MYLK: variants seen among roughly 807,000 people sequenced by gnomAD.
The protein encoded by MYLK is myosin light chain kinase, smooth muscle.
A neutral mutation model predicts 203.4 loss-of-function variants in MYLK; 106 were observed. The observed-to-expected ratio is 0.52, with a 90% confidence interval of 0.45 to 0.61. The LOEUF is 0.61. Among genes scored for constraint, MYLK ranks in the 20% least tolerant of loss-of-function variants. MYLK has a pLI of 0.00. For missense variants in MYLK, 2,072 were observed against 2,442.3 expected (o/e 0.85, Z 3.20); for synonymous variants, 867 against 959.5 (o/e 0.90, Z 1.78).
intron 20 of MYLK, among the ~76,000 whole-genome samples, chr3:123,676,477 G>A (rs1418786159): frequency 6.6e-6 from 1 of 152,198 alleles, no homozygotes; most frequent in East Asian, 1.9e-4. Context: ...GGGAAATCTT[G>A]CATGGAAAAG....
At chr3:123,664,013 G>T in intron 23 of MYLK, 92 bp downstream of exon 23, 5 of 1,547,136 alleles carry the variant, frequency 3.2e-6, no homozygotes, top group Non-Finnish European at 4.5e-6. Context: ...AGAGATAATG[G>T]GTGATGAAGT....
intron 31 of MYLK, chr3:123,622,835 G>C (rs2057943348): frequency 6.6e-6 from 1 of 152,216 alleles, no homozygotes; most frequent in Non-Finnish European, 1.5e-5. Context: ...ATTGGTTGTT[G>C]CTTTACTGAC....
At chr3:123,657,536 C>A in intron 23 of MYLK, 108 bp from the exon 24 acceptor site, 3 of 1,108,000 alleles carry the variant, frequency 2.7e-6, no homozygotes, top group Non-Finnish European at 4.0e-6. Flanking sequence ...GAACCCAATC[C>A]AAAGTCCCTG....
Position 123,646,072 on chromosome 3 carries a change from C to T in MYLK, c.4619+1152G>A, listed in dbSNP as rs115524124. On this transcript the variant is annotated intron_variant, in intron 27 of 33. Transcript: ENST00000360304. ...CTGGGAGGCGGAGGTTGCAATAAGC[C>T]GAGATGGCACCACTGCCCTCCAGCC... Among the ~76,000 whole-genome samples the T allele has an allele frequency of 3.5e-3, 532 of 152,192 alleles. 2 individuals carry two copies. The highest frequency in any genetic ancestry group is 0.012 in the African/African-American group (509 of 41,514).
At chr3:123,882,757 T>C (rs1194087707) in intron 1 of MYLK, among the ~76,000 whole-genome samples, 1 of 152,114 alleles carries the variant, frequency 6.6e-6, no homozygotes, top group African/African-American at 2.4e-5. Flanking sequence ...CCAAGGCTCC[T>C]GGCCCACTGA....
In MYLK at chr3:123,692,734, C is replaced by G. The variant is rs375931940; in HGVS notation, c.3565+1G>C. 1.9e-6 allele frequency: 3 copies of G among 1,612,264 alleles called. No individual in the cohort carries two copies. In the African/African-American group the frequency reaches 4.0e-5, roughly 22 times the overall value. On this transcript the variant is annotated splice_donor_variant, in intron 19 of 33. Transcript: ENST00000360304. LOFTEE classifies it high-confidence loss of function. ...GGCGGCGATGGGTGGGCACGACCTACCATCCACGGTGACTTGGCAGGAGCA... is the reference window on the plus strand; with the variant it reads ...GGCGGCGATGGGTGGGCACGACCTAGCATCCACGGTGACTTGGCAGGAGCA...
In MYLK at chr3:123,614,080, G is replaced by A; in HGVS notation, c.*25C>T. 2.0e-6 allele frequency: 3 copies of A among 1,531,882 alleles called. No homozygotes were observed. The highest frequency in any genetic ancestry group is 2.7e-6 in the Non-Finnish European group (3 of 1,115,598). The allele number at this position is 1,531,882 out of a possible 1,614,324, so 94.9% of individuals were successfully genotyped here. ...GAAATAGTCCTTTTAATATGACTTA[G>A]AAACTGCTTTTCTCTGGCTTTGTTT... On this transcript the variant is annotated 3_prime_UTR_variant, in exon 34 of 34. Coordinates refer to ENST00000360304, the MANE Select transcript of MYLK (RefSeq NM_053025.4).
intron 16 of MYLK, among the ~76,000 whole-genome samples, chr3:123,703,379 T>C (rs980135025): frequency 1.1e-4 from 17 of 152,340 alleles, no homozygotes; most frequent in Admixed American, 3.3e-4. Flanking sequence ...CAGGCTGTGC[T>C]GGTGCAGGTG....
chr3:123,624,000 C>T (rs1406290880), intron 31 of MYLK: 2 of 152,010 alleles, frequency 1.3e-5, no homozygotes, highest in African/African-American at 2.4e-5. Context: ...TCCAGAAAAC[C>T]CTATGGCTAA....
At chr3:123,797,909 C>G (rs1178755597) in intron 3 of MYLK, among the ~76,000 whole-genome samples, 1 of 152,228 alleles carries the variant, frequency 6.6e-6, no homozygotes, top group African/African-American at 2.4e-5. Context: ...GATATAGACC[C>G]TTTCACCAAA....
chr3:123,690,101 T>C (rs1038660652), intron 19 of MYLK, among the ~76,000 whole-genome samples: 2 of 152,194 alleles, frequency 1.3e-5, no homozygotes, highest in African/African-American at 2.4e-5. Flanking sequence ...GCTGAGTGGC[T>C]GGGGAAGCCA....
At chr3:123,814,801 TTTC>T (rs1442619088) in intron 3 of MYLK, among the ~76,000 whole-genome samples, 3 of 152,146 alleles carry the variant, frequency 2.0e-5, no homozygotes, top group South Asian at 4.1e-4. Context: ...TCTTTCTTTC[TTTC>T]TTTTTTTAGA....
intron 1 of MYLK, 22 bp downstream of exon 1, chr3:123,884,184 A>C (rs2033713645): frequency 6.6e-6 from 1 of 151,342 alleles, no homozygotes; most frequent in Non-Finnish European, 1.5e-5. Flanking sequence ...CCTGGACAAA[A>C]GCATGGGGCG....
intron 5 of MYLK, among the ~76,000 whole-genome samples, chr3:123,748,561 G>A (rs902151416): frequency 6.6e-6 from 1 of 152,160 alleles, no homozygotes; most frequent in African/African-American, 2.4e-5. Context: ...GAGGTGTGCT[G>A]TAAGTGTAAA....
chr3:123,706,255 G>C (rs1289220920), intron 16 of MYLK, among the ~76,000 whole-genome samples: 1 of 152,116 alleles, frequency 6.6e-6, no homozygotes. Context: ...TAAGTATTGG[G>C]GTGGTTCGTT....
At position 123,707,794 on chromosome 3, in the gene MYLK, C is replaced by A. The variant is rs779637665; in HGVS notation, c.2350G>T (p.Val784Leu). The A allele has an allele frequency of 2.5e-6, 4 of 1,614,208 alleles. No homozygotes were observed. The highest frequency in any genetic ancestry group is 3.4e-6 in the Non-Finnish European group (4 of 1,180,038). The change falls in exon 16 of 34, where the codon GTG (valine) becomes TTG (leucine). Residue 784 changes from valine (V) to leucine (L), a missense_variant. This residue lies in a region of MYLK where 865 missense variants were observed against 1,016.0 expected (regional missense o/e 0.85). Transcript: ENST00000360304. ...TACTGGCCGGCATGCCAGGGCTGCA[C>A]CTTCTTTAGAACCAGGGTGAACACG... ...EDVFTLVLKK[V>L]QPWHAGQYEI... is the part of the protein sequence containing the mutation.
intron 3 of MYLK, 115 bp from the exon 4 acceptor site, chr3:123,793,959 C>G (rs2064889058): frequency 8.8e-7 from 1 of 1,133,668 alleles, no homozygotes; most frequent in Non-Finnish European, 1.3e-6. Context: ...GAGCAGATCC[C>G]CAGTTAGGTC....
intron 5 of MYLK, among the ~76,000 whole-genome samples, chr3:123,743,003 G>A (rs1173763533): frequency 6.6e-6 from 1 of 152,056 alleles, no homozygotes; most frequent in African/African-American, 2.4e-5. Context: ...ATAGGTATGG[G>A]GTTTCCATTT....
At chr3:123,651,184 A>C (rs2059200417) in intron 24 of MYLK, among the ~76,000 whole-genome samples, 1 of 152,198 alleles carries the variant, frequency 6.6e-6, no homozygotes, top group African/African-American at 2.4e-5. Context: ...GCCAAGGATG[A>C]GATGAGAGTT....
Sources: gnomAD v4.1 joint callset for allele counts (sites outside exome capture counted in the v4.1 genomes callset) on GRCh38, gnomAD v4.1.1 for gene constraint, gnomAD v4.1.1 regional missense constraint, MANE v1.5 for transcripts, NCBI Gene and HGNC (gene_info 2026-07-23, HGNC 2026-07-21) for gene names.